EMC2: variants seen among roughly 807,000 people sequenced by gnomAD.
EMC2 encodes the protein ER membrane protein complex subunit 2.
EMC2 carries 37 observed loss-of-function variants against 51.6 expected under a neutral mutation model. That is an observed-to-expected ratio of 0.72 (90% CI 0.55 to 0.94). The LOEUF (loss-of-function observed/expected upper bound fraction) is 0.94, where lower values mean the gene tolerates loss of function less well. EMC2 is among the 40% of genes least tolerant of loss of function. The pLI is 0.00. For missense variants in EMC2, 359 were observed against 350.9 expected (o/e 1.02, Z -0.18); for synonymous variants, 131 against 112.4 (o/e 1.17, Z -1.04).
Position 108,449,771 on chromosome 8 carries a change from T to C in EMC2, c.41-52T>C, listed in dbSNP as rs567115234. ...AGGTTTTTGACATCTATCGGATGTGTATGTGTGTGTCTGGGTACATATACA... is the reference window on the plus strand; with the variant it reads ...AGGTTTTTGACATCTATCGGATGTGCATGTGTGTGTCTGGGTACATATACA... On this transcript the variant is annotated intron_variant, in intron 1 of 10. Coordinates refer to ENST00000220853, the MANE Select transcript of EMC2 (RefSeq NM_014673.5). The C allele has an allele frequency of 1.3e-5, 10 of 782,554 alleles. No individual in the cohort carries two copies. The East Asian group carries it at 2.7e-4, about 21-fold the overall frequency. The allele number at this position is 782,554 out of a possible 1,614,324, so 48.5% of individuals were successfully genotyped here.
At chr8:108,467,202 G>A (rs994135712) in intron 5 of EMC2, among the ~76,000 whole-genome samples, 14 of 152,180 alleles carry the variant, frequency 9.2e-5, no homozygotes, top group Non-Finnish European at 2.9e-5. Flanking sequence ...TGAATGCGTG[G>A]AAACTAAGAT....
intron 5 of EMC2, among the ~76,000 whole-genome samples, chr8:108,459,852 CTG>C (rs80293303): frequency 0.23 from 35,238 of 151,668 alleles, 4,335 homozygotes; most frequent in South Asian, 0.3. Flanking sequence ...GCAAACCTAT[CTG>C]TAATAAAAAA....
At chr8:108,469,777 A>C (rs1222208237) in intron 5 of EMC2, 49 bp from the exon 6 acceptor site, 1 of 1,482,428 alleles carries the variant, frequency 6.7e-7, no homozygotes, top group Non-Finnish European at 9.4e-7. Flanking sequence ...TCTTTACAAA[A>C]CCCCAAGGAA....
chr8:108,446,272 C>G (rs551896521), intron 1 of EMC2: 2 of 424,230 alleles, frequency 4.7e-6, no homozygotes, highest in Non-Finnish European at 9.5e-6. Context: ...AAGTATAGTT[C>G]CAGTCATACA....
At chr8:108,473,644 A>G (rs548087275) in intron 7 of EMC2, among the ~76,000 whole-genome samples, 6 of 145,936 alleles carry the variant, frequency 4.1e-5, no homozygotes, top group Non-Finnish European at 4.5e-5. Context: ...GTTCCTTTTC[A>G]TAAGTCCAGC....
intron 10 of EMC2, among the ~76,000 whole-genome samples, chr8:108,485,959 CTT>C (rs998946663): frequency 2.0e-5 from 3 of 151,630 alleles, no homozygotes; most frequent in African/African-American, 7.3e-5. Context: ...CTTGACAGCT[CTT>C]TGCAGAACCA....
Position 108,475,943 on chromosome 8 carries a change from T to C in EMC2, c.571T>C (p.Tyr191His), listed in dbSNP as rs1017713185. ...GATGACTAATCCACACAACCACTTA[T>C]ACTGTCAGCAGTATGCTGAAGTAAG... ...LMMTNPHNHLYCQQYAEVKYT... is the reference protein window; with the variant it reads ...LMMTNPHNHLHCQQYAEVKYT... Residue 191 changes from tyrosine to histidine, a missense_variant, in exon 8 of 11, where the codon TAC (tyrosine) becomes CAC (histidine). By Grantham distance (83) the Tyr-to-His change is moderately conservative. Transcript: ENST00000220853. The C allele has an allele frequency of 1.0e-5, 16 of 1,594,542 alleles. No individual in the cohort carries two copies. The highest frequency in any genetic ancestry group is 2.3e-5 in the East Asian group (1 of 44,092).
intron 5 of EMC2, among the ~76,000 whole-genome samples, chr8:108,466,707 G>T (rs1819476255): frequency 6.6e-6 from 1 of 152,000 alleles, no homozygotes. Context: ...TCCCGCTTTG[G>T]CCTTCCAAAG....
intron 5 of EMC2, among the ~76,000 whole-genome samples, chr8:108,465,114 T>A (rs1386861883): frequency 2.6e-5 from 4 of 152,188 alleles, no homozygotes; most frequent in Non-Finnish European, 4.4e-5. Flanking sequence ...TCAGAAAAAA[T>A]TGCTAGCTAG....
At chr8:108,451,189 C>T (rs545813841) in intron 3 of EMC2, among the ~76,000 whole-genome samples, 24 of 147,084 alleles carry the variant, frequency 1.6e-4, no homozygotes, top group Non-Finnish European at 3.3e-4. Context: ...GGCAACAGAG[C>T]GAGACTCTGT....
At position 108,479,062 on chromosome 8, in the gene EMC2, C is replaced by T; in HGVS notation, c.759C>T (p.Asn253=). ...CAAGTGCAAAAACGAAAAAGGACAA[C>T]ATGAAATATGCTAGTTGGGCAGCTA... ...PKASAKTKKD[N]MKYASWAASQ... is the part of the protein sequence containing the mutation. Residue 253 remains asparagine (N), a synonymous_variant, in exon 10 of 11, where the codon AAC becomes AAT. Coordinates refer to ENST00000220853, the MANE Select transcript of EMC2 (RefSeq NM_014673.5). 3 of 1,590,686 alleles carry T rather than the reference C, an allele frequency of 1.9e-6. No homozygotes were observed. The highest frequency in any genetic ancestry group is 1.1e-5 in the South Asian group (1 of 87,084).
At chr8:108,465,082 A>G (rs1040521244) in intron 5 of EMC2, among the ~76,000 whole-genome samples, 4 of 152,174 alleles carry the variant, frequency 2.6e-5, no homozygotes, top group Non-Finnish European at 5.9e-5. Context: ...TAGCCTATTT[A>G]AAATAAAAAA....
chr8:108,461,893 C>T (rs1354450380), intron 5 of EMC2, among the ~76,000 whole-genome samples: 1 of 152,080 alleles, frequency 6.6e-6, no homozygotes, highest in Non-Finnish European at 1.5e-5. Flanking sequence ...ACTGCAACCT[C>T]CGCCTCCCGG....
intron 4 of EMC2, among the ~76,000 whole-genome samples, chr8:108,453,698 T>C (rs1357265261): frequency 6.6e-6 from 1 of 152,180 alleles, no homozygotes; most frequent in Non-Finnish European, 1.5e-5. Flanking sequence ...CTATTTTTCT[T>C]TTTGCCGTCT....
intron 10 of EMC2, among the ~76,000 whole-genome samples, chr8:108,480,964 T>G (rs1344109933): frequency 6.6e-6 from 1 of 152,176 alleles, no homozygotes; most frequent in Non-Finnish European, 1.5e-5. Flanking sequence ...TCTTGTTTAG[T>G]GGATTAAGAA....
intron 1 of EMC2, among the ~76,000 whole-genome samples, chr8:108,445,511 C>T (rs1275886522): frequency 6.6e-6 from 1 of 151,958 alleles, no homozygotes; most frequent in Non-Finnish European, 1.5e-5. Flanking sequence ...TATCATTTAT[C>T]AATTCCCCAC....
chr8:108,454,389 A>G (rs1819104690), intron 4 of EMC2, among the ~76,000 whole-genome samples: 1 of 151,990 alleles, frequency 6.6e-6, no homozygotes, highest in Non-Finnish European at 1.5e-5. Context: ...TAAATTTTTT[A>G]AATAGCTGTC....
rs976476021 is a variant in EMC2, at chr8:108,486,814, T to C, written c.*216T>C. 2.9e-5 allele frequency: 12 copies of C among 416,594 alleles called. No individual in the cohort carries two copies. The highest frequency in any genetic ancestry group is 5.0e-5 in the Non-Finnish European group (12 of 237,668). The allele number at this position is 416,594 out of a possible 1,614,324, so 25.8% of individuals were successfully genotyped here. A position where few individuals can be genotyped will look rare whatever the true frequency, so the allele number is the denominator to read the frequency against. ...CCATGGAAGAGAGATTTAAGACTTA[T>C]TGATTGTACATCAGTCTCTTCATAT... On this transcript the variant is annotated 3_prime_UTR_variant, in exon 11 of 11. Transcript: ENST00000220853.
chr8:108,470,989 AG>A (rs568773928), intron 7 of EMC2: 79 of 152,118 alleles, frequency 5.2e-4, no homozygotes, highest in African/African-American at 1.8e-3. Context: ...TGTGATCTAG[AG>A]GATTGAGGTA....
Sources: allele counts gnomAD v4.1 joint callset (sites outside exome capture counted in the v4.1 genomes callset), GRCh38; gene constraint gnomAD v4.1.1; transcripts MANE v1.5; gene names NCBI Gene and HGNC (gene_info 2026-07-23, HGNC 2026-07-21).